The following TESK2 variants were observed in gnomAD, a reference collection of about 807,000 sequenced individuals.
TESK2 encodes testis associated actin remodelling kinase 2.
TESK2 carries 39 observed loss-of-function variants against 57.1 expected under a neutral mutation model. The observed-to-expected ratio is 0.68, with a 90% CI of 0.53 to 0.89. The LOEUF (loss-of-function observed/expected upper bound fraction) is 0.89. Among genes scored for constraint, TESK2 ranks in the 40% least tolerant of loss-of-function variants. The pLI, the probability that TESK2 is intolerant of heterozygous loss-of-function variation, is 0.00. For missense variants in TESK2, 646 were observed against 732.1 expected (o/e 0.88, Z 1.36); for synonymous variants, 249 against 267.9 (o/e 0.93, Z 0.69).
At chr1:45,389,534 T>C (rs572828391) in intron 3 of TESK2, among the ~76,000 whole-genome samples, 2 of 152,308 alleles carry the variant, frequency 1.3e-5, no homozygotes, top group Admixed American at 6.5e-5. Context: ...TCTCACCAGA[T>C]GTGGCCTCTC....
intron 1 of TESK2, among the ~76,000 whole-genome samples, chr1:45,473,149 C>CAA (rs142807091): frequency 7.2e-4 from 70 of 96,910 alleles, no homozygotes; most frequent in Non-Finnish European, 1.0e-3. Flanking sequence ...GACTCCGTCT[C>CAA]AAAAAAAAAA....
chr1:45,421,632 C>T, intron 3 of TESK2, 93 bp downstream of exon 3: 1 of 1,538,962 alleles, frequency 6.5e-7, no homozygotes, highest in South Asian at 1.2e-5. Flanking sequence ...ATGATAAATC[C>T]TGAATCCCTC....
intron 1 of TESK2, among the ~76,000 whole-genome samples, chr1:45,483,756 C>T (rs1653335077): frequency 6.6e-6 from 1 of 151,428 alleles, no homozygotes; most frequent in African/African-American, 2.4e-5. Context: ...CCAGCACTTC[C>T]GGAGGCTGAA....
At chr1:45,398,307 C>G (rs1426517639) in intron 3 of TESK2, among the ~76,000 whole-genome samples, 1 of 152,000 alleles carries the variant, frequency 6.6e-6, no homozygotes, top group East Asian at 1.9e-4. Context: ...TAATCTTTCT[C>G]GAGGCGGGAG....
At chr1:45,476,567 G>A (rs139199687) in intron 1 of TESK2, among the ~76,000 whole-genome samples, 9 of 152,198 alleles carry the variant, frequency 5.9e-5, no homozygotes, top group Admixed American at 4.6e-4. Context: ...GAGGTAGCTA[G>A]CCAGGCGCGG....
chr1:45,399,680 G>GCTCAAGCAATCTGCCTGCCT (rs1649520475), intron 3 of TESK2, among the ~76,000 whole-genome samples: 1 of 151,934 alleles, frequency 6.6e-6, no homozygotes, highest in Non-Finnish European at 1.5e-5. Flanking sequence ...GAACTCCTGT[G>GCTCAAGCAATCTGCCTGCCT]CTCAAGCAAT....
In TESK2 at chr1:45,451,775, T is replaced by A. The variant is rs904878819; in HGVS notation, c.222+5789A>T. Among the ~76,000 whole-genome samples the A allele has an allele frequency of 3.9e-5, 6 of 152,168 alleles. No homozygotes were observed. The East Asian group carries it at 1.2e-3, about 29-fold the overall frequency. ...GTGGCTGGGAGTGGTGGCTCACACC[T>A]GTAATCTCAACACTTTGGGAGGCCG... is the stretch of plus-strand genomic sequence containing the variant. On this transcript the variant is annotated intron_variant, in intron 2 of 10. Transcript: ENST00000372086.
chr1:45,464,077 T>C lies in TESK2; in HGVS notation c.-86-6206A>G, dbSNP rs530443835. ...TTTCTATTTCTGTGAAGAGTGTCAC[T>C]GGTATTTTGATGCAGACTGCACTGA... On this transcript the variant is annotated intron_variant, in intron 1 of 10. Transcript: ENST00000372086. 1.5e-4 allele frequency among the ~76,000 whole-genome samples: 23 copies of C among 152,314 alleles called. No individual in the cohort carries two copies. In the East Asian group the frequency reaches 4.2e-3, roughly 28 times the overall value.
At chr1:45,345,592 A>G in intron 10 of TESK2, 34 bp from the exon 11 acceptor site, 2 of 1,554,236 alleles carry the variant, frequency 1.3e-6, no homozygotes, top group Admixed American at 1.7e-5. Flanking sequence ...TACTCTCACT[A>G]GTCATAACAA....
Position 45,395,608 on chromosome 1 carries a change from TC to T in TESK2, c.345-9649del, listed in dbSNP as rs1458844668. On this transcript the variant is annotated intron_variant, in intron 3 of 10. Transcript: ENST00000372086. ...TACACTCCTTTCTTTTCTTTTCTTT[TC>T]TTTTTTTTTTTTTTTGAGACAAGGT... 6.6e-4 allele frequency among the ~76,000 whole-genome samples: 99 copies of T among 150,090 alleles called. No individual in the cohort carries two copies. The East Asian group carries it at 0.012, about 18-fold the overall frequency.
chr1:45,385,897 T>C lies in TESK2; in HGVS notation c.393+15A>G, dbSNP rs779925793. ...TAAGGCAAATACGTTACTTCAACAC[T>C]TACTGATGTCTTACCTCTGTAAGTG... On this transcript the variant is annotated intron_variant, in intron 4 of 10. Coordinates refer to ENST00000372086, the MANE Select transcript of TESK2 (RefSeq NM_007170.3). The C allele has an allele frequency of 1.3e-6, 2 of 1,593,492 alleles. No individual in the cohort carries two copies. Among genetic ancestry groups the C allele is most frequent in the South Asian group, 2.2e-5 (2 of 89,312 alleles).
In TESK2 at chr1:45,483,269, A is replaced by C. The variant is rs1653308069; in HGVS notation, c.-87+7583T>G. On this transcript the variant is annotated intron_variant, in intron 1 of 10. Coordinates refer to ENST00000372086, the MANE Select transcript of TESK2 (RefSeq NM_007170.3). ...GCACTCCAGCCTGGACAATAGAGAG[A>C]GACTTCGTCTCAAAAAAAAAAAAAC... 2.0e-5 allele frequency among the ~76,000 whole-genome samples: 3 copies of C among 149,534 alleles called. No homozygotes were observed. The South Asian group carries it at 6.3e-4, about 32-fold the overall frequency.
At chr1:45,441,562 C>T (rs531402978) in intron 2 of TESK2, among the ~76,000 whole-genome samples, 1 of 151,736 alleles carries the variant, frequency 6.6e-6, no homozygotes, top group South Asian at 2.1e-4. Context: ...TCTGCCTCAG[C>T]GTCCCAAAGT....
chr1:45,449,501 TTA>T (rs1456003323), intron 2 of TESK2, among the ~76,000 whole-genome samples: 1 of 152,166 alleles, frequency 6.6e-6, no homozygotes, highest in Non-Finnish European at 1.5e-5. Context: ...CAATGGGATA[TTA>T]TTCAGTGCTA....
intron 1 of TESK2, among the ~76,000 whole-genome samples, chr1:45,475,988 T>C (rs1398544317): frequency 6.6e-6 from 1 of 152,086 alleles, no homozygotes; most frequent in African/African-American, 2.4e-5. Flanking sequence ...CTTTTTGAGG[T>C]TTTAGAACTT....
At chr1:45,407,247 GT>G (rs35353213) in intron 3 of TESK2, among the ~76,000 whole-genome samples, 139,006 of 151,324 alleles carry the variant, frequency 0.92, 65,032 homozygotes, top group Non-Finnish European at 1. Context: ...CCCACAATGG[GT>G]TTTTTTTTGT....
At chr1:45,432,035 C>A (rs1650987325) in intron 2 of TESK2, among the ~76,000 whole-genome samples, 1 of 151,764 alleles carries the variant, frequency 6.6e-6, no homozygotes, top group South Asian at 2.1e-4. Flanking sequence ...CACTTAAACC[C>A]AAGAGTTCAA....
rs368331029 is a variant in TESK2, at chr1:45,346,982, T to A, written c.789A>T (p.Thr263=). 5 of 1,614,164 alleles carry A rather than the reference T, an allele frequency of 3.1e-6. No homozygotes were observed. The highest frequency in any genetic ancestry group is 2.7e-5 in the African/African-American group (2 of 75,048). ...GATCCCCATGCTTGCAGCTCACCTC[T>A]GTGCGGGGAAGATAGTCCGGATCGG... ...IQADPDYLPR[T]ENFGLDYDAF... The change falls in exon 8 of 11, where the codon ACA becomes ACT. Residue 263 remains threonine, a synonymous_variant. Coordinates refer to ENST00000372086, the MANE Select transcript of TESK2 (RefSeq NM_007170.3).
At chr1:45,384,321 C>T (rs1648772805) in intron 4 of TESK2, among the ~76,000 whole-genome samples, 1 of 138,012 alleles carries the variant, frequency 7.2e-6, no homozygotes, top group African/African-American at 2.9e-5. Flanking sequence ...CAGGGTCTCA[C>T]TCTATGTATG....
Sources: allele counts gnomAD v4.1 joint callset (sites outside exome capture counted in the v4.1 genomes callset), GRCh38; gene constraint gnomAD v4.1.1; transcripts MANE v1.5; gene names NCBI Gene and HGNC (gene_info 2026-07-23, HGNC 2026-07-21).